The following N4BP2 variants were observed in gnomAD, a reference collection of about 807,000 sequenced individuals.
N4BP2 encodes NEDD4 binding protein 2, also known as NEDD4-binding protein 2.
Under a neutral mutation model 152.8 loss-of-function variants are expected in N4BP2, and 91 were observed. The ratio of observed to expected loss-of-function variants is 0.60; its 90% CI spans 0.50 to 0.71. The LOEUF is 0.71. Ranked by LOEUF, N4BP2 falls within the 30% of genes least tolerant of loss-of-function variation. The pLI is 0.00. For synonymous variants in N4BP2, 646 were observed against 705.3 expected (o/e 0.92, Z 1.33); for missense variants, 1,923 against 2,059.1 (o/e 0.93, Z 1.28).
At chr4:40,133,858 T>A (rs531811028) in intron 13 of N4BP2, among the ~76,000 whole-genome samples, 1 of 152,280 alleles carries the variant, frequency 6.6e-6, no homozygotes, top group African/African-American at 2.4e-5. Context: ...CAGGCTGGAG[T>A]GCAGTGGCAC....
intron 1 of N4BP2, among the ~76,000 whole-genome samples, chr4:40,067,119 G>T (rs1293475849): frequency 7.2e-6 from 1 of 139,154 alleles, no homozygotes; most frequent in Non-Finnish European, 1.5e-5. Context: ...GTGCAGTGGT[G>T]TGATCATGGC....
In N4BP2 at chr4:40,103,146, A is replaced by G; in HGVS notation, c.1301A>G (p.Lys434Arg). Reference protein sequence around the residue: ...ETPVSQVVRKKTSYVGLVLVL... With the variant: ...ETPVSQVVRKRTSYVGLVLVL... The stretch of plus-strand genomic sequence containing the variant: ...CCAGTTTCTCAGGTTGTAAGAAAGA[A>G]GACATCTTACGTTGGACTAGTTCTT... The change falls in exon 4 of 18, where the codon AAG (lysine) becomes AGG (arginine). Residue 434 changes from lysine (K) to arginine (R), a missense_variant. Transcript: ENST00000261435. 2 of 1,614,162 alleles carry G rather than the reference A, an allele frequency of 1.2e-6. No homozygotes were observed. Among genetic ancestry groups the G allele is most frequent in the Non-Finnish European group, 1.7e-6 (2 of 1,179,960 alleles).
Position 40,079,694 on chromosome 4 carries a change from T to G in N4BP2, c.-115+6143T>G, listed in dbSNP as rs143945855. Among the ~76,000 whole-genome samples, 101 of 152,200 alleles carry G rather than the reference T, an allele frequency of 6.6e-4. No homozygotes were observed. In the East Asian group the frequency reaches 0.018, roughly 28 times the overall value. On this transcript the variant is annotated intron_variant, in intron 2 of 17. Transcript: ENST00000261435. ...ACATGTGCCCATAGCCCTTGCTGCT[T>G]GGGAGGTTGAGGCAGGAGGATTGCT...
chr4:40,148,257 T>C (rs1221122787), intron 16 of N4BP2, among the ~76,000 whole-genome samples: 2 of 152,214 alleles, frequency 1.3e-5, no homozygotes, highest in East Asian at 3.9e-4. Context: ...GAGAGCAGCC[T>C]GGCCAATACA....
intron 7 of N4BP2, among the ~76,000 whole-genome samples, chr4:40,117,425 T>A (rs986153871): frequency 2.6e-5 from 4 of 152,224 alleles, no homozygotes; most frequent in African/African-American, 9.6e-5. Context: ...TGAGATGTTT[T>A]CATTAAGACC....
chr4:40,083,601 A>G (rs1255359380), intron 2 of N4BP2, among the ~76,000 whole-genome samples: 4 of 152,218 alleles, frequency 2.6e-5, no homozygotes, highest in East Asian at 1.9e-4. Flanking sequence ...AGATTATACA[A>G]TTCTCTTCAT....
chr4:40,073,593 T>C (rs867839421), intron 2 of N4BP2, 42 bp downstream of exon 2: 1 of 140,204 alleles, frequency 7.1e-6, no homozygotes, highest in African/African-American at 2.6e-5. Context: ...ATTTTACACA[T>C]AAGATTTTTT....
chr4:40,114,449 G>A (rs1560606911), intron 7 of N4BP2, among the ~76,000 whole-genome samples: 2 of 152,208 alleles, frequency 1.3e-5, no homozygotes, highest in East Asian at 1.9e-4. Context: ...TTCCTGTTGC[G>A]TATACTGCAT....
chr4:40,099,099 G>A lies in N4BP2; in HGVS notation c.229+1530G>A, dbSNP rs968329320. 4.0e-5 allele frequency among the ~76,000 whole-genome samples: 6 copies of A among 151,456 alleles called. No homozygotes were observed. The South Asian group carries it at 6.2e-4, about 16-fold the overall frequency. On this transcript the variant is annotated intron_variant, in intron 3 of 17. Coordinates refer to ENST00000261435, the MANE Select transcript of N4BP2 (RefSeq NM_018177.6). Reference sequence around the variant, plus strand: ...TAGTTCCAAAATCTTATTTTCTTGCGTCACAGGGTAAGAACTGCTTTGGCT... The same window carrying A: ...TAGTTCCAAAATCTTATTTTCTTGCATCACAGGGTAAGAACTGCTTTGGCT...
chr4:40,144,425 T>C (rs1373063128), intron 15 of N4BP2, among the ~76,000 whole-genome samples: 1 of 152,226 alleles, frequency 6.6e-6, no homozygotes, highest in Non-Finnish European at 1.5e-5. Context: ...AAAGAATGAC[T>C]CAGTAGTTTA....
intron 5 of N4BP2, among the ~76,000 whole-genome samples, chr4:40,111,228 A>G (rs1439506967): frequency 6.6e-6 from 1 of 152,206 alleles, no homozygotes; most frequent in Non-Finnish European, 1.5e-5. Flanking sequence ...TGTCAAAACT[A>G]AGAAATTGGT....
intron 14 of N4BP2, among the ~76,000 whole-genome samples, chr4:40,138,484 C>A (rs1196208976): frequency 6.6e-6 from 1 of 152,182 alleles, no homozygotes; most frequent in Admixed American, 6.5e-5. Context: ...ATTGCCAAAT[C>A]CAATGTCATG....
chr4:40,159,607 C>T (rs1286972663), downstream of N4BP2, among the ~76,000 whole-genome samples: 2 of 152,092 alleles, frequency 1.3e-5, no homozygotes, highest in Non-Finnish European at 1.5e-5. Context: ...TGGAACCTGC[C>T]GTAGGACACT....
chr4:40,093,892 G>A (rs1364471954), intron 2 of N4BP2, among the ~76,000 whole-genome samples: 2 of 151,934 alleles, frequency 1.3e-5, no homozygotes, highest in Admixed American at 6.6e-5. Context: ...GAGCCACCGC[G>A]CCCAGCTAAT....
At chr4:40,060,226 A>G (rs1045455380) in intron 1 of N4BP2, among the ~76,000 whole-genome samples, 9 of 152,008 alleles carry the variant, frequency 5.9e-5, no homozygotes, top group African/African-American at 1.9e-4. Flanking sequence ...TGGTTAATCA[A>G]TTCTATCTGA....
Position 40,152,763 on chromosome 4 carries a change from G to C in N4BP2, c.5144-17G>C. On this transcript the variant is annotated splice_polypyrimidine_tract_variant and intron_variant, in intron 16 of 17. Coordinates refer to ENST00000261435, the MANE Select transcript of N4BP2 (RefSeq NM_018177.6). ...AAGATAAATGAATTTTAACTCCCCT[G>C]ATTTCTGTTGTAACAGAATTTAAGC... 6.2e-7 allele frequency: 1 copy of C among 1,613,202 alleles called. No homozygotes were observed. Among genetic ancestry groups the C allele is most frequent in the Non-Finnish European group, 8.5e-7 (1 of 1,179,466 alleles).
intron 1 of N4BP2, among the ~76,000 whole-genome samples, chr4:40,064,883 C>T (rs1733924747): frequency 6.6e-6 from 1 of 152,064 alleles, no homozygotes; most frequent in African/African-American, 2.4e-5. Context: ...GATTCTCCTG[C>T]CTCAGCCTCC....
chr4:40,186,540 C>T, the N4BP2 span, among the ~76,000 whole-genome samples: 3 of 152,186 alleles, frequency 2.0e-5, no homozygotes, highest in Admixed American at 6.5e-5. Flanking sequence ...TAACAGGCCA[C>T]GGGTGGGTAC....
intron 8 of N4BP2, among the ~76,000 whole-genome samples, chr4:40,119,326 A>G (rs893426203): frequency 1.3e-5 from 2 of 152,226 alleles, no homozygotes; most frequent in Admixed American, 6.5e-5. Context: ...GAGGAAATGC[A>G]TTGACAAATT....
Sources: gnomAD v4.1 joint callset for allele counts (sites outside exome capture counted in the v4.1 genomes callset) on GRCh38, gnomAD v4.1.1 for gene constraint, MANE v1.5 for transcripts, NCBI Gene and HGNC (gene_info 2026-07-23, HGNC 2026-07-21) for gene names.